The following CDH12 variants were observed in gnomAD, a reference collection of about 807,000 sequenced individuals.
The protein encoded by CDH12 is cadherin-12.
Under a neutral mutation model 74.1 loss-of-function variants are expected in CDH12, and 41 were observed. The observed-to-expected ratio is 0.55, with a 90% CI of 0.43 to 0.72. The LOEUF is 0.72. Ranked by LOEUF, CDH12 falls within the 30% of genes least tolerant of loss-of-function variation. The pLI is 0.00. For synonymous variants in CDH12, 399 were observed against 355.0 expected (o/e 1.12, Z -1.39); for missense variants, 945 against 977.2 (o/e 0.97, Z 0.44).
At chr5:22,009,953 AAAAAAAG>A (rs1737202853) in intron 5 of CDH12, among the ~76,000 whole-genome samples, 2 of 151,036 alleles carry the variant, frequency 1.3e-5, no homozygotes, top group East Asian at 3.9e-4. Context: ...AAAAAAAAAA[AAAAAAAG>A]AAAAAAAGAA....
intron 1 of CDH12, among the ~76,000 whole-genome samples, chr5:22,803,580 T>C (rs2126425260): frequency 6.6e-6 from 1 of 152,316 alleles, no homozygotes; most frequent in South Asian, 2.1e-4. Context: ...TGCTTCTTCC[T>C]GACATCTGGT....
intron 8 of CDH12, among the ~76,000 whole-genome samples, chr5:21,832,939 TATA>T (rs1356245165): frequency 7.3e-5 from 5 of 68,370 alleles, no homozygotes; most frequent in East Asian, 4.5e-4. Flanking sequence ...ATATATTATA[TATA>T]ATATCATATT....
chr5:22,107,166 CTT>C (rs1744497162), intron 4 of CDH12, among the ~76,000 whole-genome samples: 1 of 147,904 alleles, frequency 6.8e-6, no homozygotes, highest in Admixed American at 6.8e-5. Context: ...GATTTTTGCT[CTT>C]GTTGCCCAGG....
chr5:22,018,498 T>C (rs938638008), intron 5 of CDH12, among the ~76,000 whole-genome samples: 1 of 152,166 alleles, frequency 6.6e-6, no homozygotes, highest in African/African-American at 2.4e-5. Flanking sequence ...ACGTTGGAAC[T>C]TTGTATTTTT....
intron 6 of CDH12, among the ~76,000 whole-genome samples, chr5:21,939,652 T>A (rs1755242904): frequency 6.6e-6 from 1 of 152,148 alleles, no homozygotes; most frequent in South Asian, 2.1e-4. Flanking sequence ...GGGAGTTATA[T>A]GAAACTGTGC....
intron 1 of CDH12, among the ~76,000 whole-genome samples, chr5:22,811,943 A>G (rs1749167030): frequency 6.6e-6 from 1 of 152,140 alleles, no homozygotes; most frequent in Non-Finnish European, 1.5e-5. Flanking sequence ...GTGTTCATAG[A>G]GGTCGACCTT....
intron 5 of CDH12, among the ~76,000 whole-genome samples, chr5:22,047,885 A>C (rs1007532751): frequency 6.6e-6 from 1 of 152,150 alleles, no homozygotes; most frequent in Non-Finnish European, 1.5e-5. Context: ...TCACACAGAG[A>C]CTTCTTAGCT....
chr5:21,833,251 A>ATTATATAACATATATATTATATG lies in CDH12; in HGVS notation c.814+8909_814+8910insCATATAATATATATGTTATATAA, dbSNP rs1749265579. ...ATATAACATATAATATATATTATAT[A>ATTATATAACATATATATTATATG]TTATATAACATATAATATATATTAT... On this transcript the variant is annotated intron_variant, in intron 8 of 14. Coordinates refer to ENST00000382254, the MANE Select transcript of CDH12 (RefSeq NM_004061.5). Among the ~76,000 whole-genome samples the ATTATATAACATATATATTATATG allele has an allele frequency of 3.3e-3, 43 of 13,224 alleles. 8 individuals are homozygous for ATTATATAACATATATATTATATG. The highest frequency in any genetic ancestry group is 5.4e-3 in the African/African-American group (5 of 926). 8.7% of individuals were successfully genotyped at this position (13,224 alleles called of 152,430 possible).
At chr5:21,767,312 T>C (rs1745083010) in intron 11 of CDH12, among the ~76,000 whole-genome samples, 1 of 151,756 alleles carries the variant, frequency 6.6e-6, no homozygotes, top group African/African-American at 2.4e-5. Flanking sequence ...AGATTTATTT[T>C]ATAATATAAG....
intron 6 of CDH12, among the ~76,000 whole-genome samples, chr5:21,938,873 C>T (rs4028783): frequency 0.047 from 7,040 of 150,454 alleles, 428 homozygotes; most frequent in African/African-American, 0.14. Flanking sequence ...AAACGTAGGG[C>T]TATTCTGAAA....
At chr5:22,311,584 C>G (rs1738390728) in intron 3 of CDH12, among the ~76,000 whole-genome samples, 1 of 151,712 alleles carries the variant, frequency 6.6e-6, no homozygotes, top group Admixed American at 6.6e-5. Context: ...TGCTTGTAAT[C>G]CCAGCTACTC....
chr5:22,453,675 T>A (rs994777437), intron 2 of CDH12, among the ~76,000 whole-genome samples: 3 of 152,050 alleles, frequency 2.0e-5, no homozygotes, highest in African/African-American at 7.2e-5. Flanking sequence ...CATAGTAGGG[T>A]GGCTATAGTG....
In CDH12 at chr5:22,645,548, G is replaced by A. The variant is rs567407439; in HGVS notation, c.-522-140184C>T. ...TGAACATTGGTGAAATCACAATACA[G>A]GAGTTAGAATAGTTCATAAACTTAG... On this transcript the variant is annotated intron_variant, in intron 1 of 14. Transcript: ENST00000382254. Among the ~76,000 whole-genome samples the A allele has an allele frequency of 1.2e-4, 18 of 152,130 alleles. No homozygotes were observed. The South Asian group carries it at 1.2e-3, about 10-fold the overall frequency.
At chr5:22,711,088 C>T (rs1580913874) in intron 1 of CDH12, among the ~76,000 whole-genome samples, 2 of 151,780 alleles carry the variant, frequency 1.3e-5, no homozygotes, top group East Asian at 1.9e-4. Context: ...TATCCTAGTA[C>T]TTAATCAAAA....
chr5:22,330,404 G>A (rs1739297524), intron 3 of CDH12, among the ~76,000 whole-genome samples: 1 of 151,970 alleles, frequency 6.6e-6, no homozygotes, highest in East Asian at 1.9e-4. Context: ...TGGCTTCAGA[G>A]GTGACCCAGA....
At chr5:22,772,337 GA>G (rs1386694219) in intron 1 of CDH12, among the ~76,000 whole-genome samples, 2 of 152,168 alleles carry the variant, frequency 1.3e-5, no homozygotes, top group Admixed American at 1.3e-4. Context: ...GGTGTCCTAT[GA>G]AGAAAGAATG....
At chr5:22,753,495 G>A (rs1017640365) in intron 1 of CDH12, among the ~76,000 whole-genome samples, 1 of 148,206 alleles carries the variant, frequency 6.7e-6, no homozygotes, top group African/African-American at 2.5e-5. Flanking sequence ...AGGAGTTTGG[G>A]TTTTATTCTC....
chr5:22,465,671 AAGAAC>A (rs200502687), intron 2 of CDH12, among the ~76,000 whole-genome samples: 2,856 of 152,150 alleles, frequency 0.019, 49 homozygotes, highest in African/African-American at 0.041. Flanking sequence ...AAAAACATGT[AAGAAC>A]AGAACAGAAC....
At chr5:22,826,611 G>A (rs970106383) in intron 1 of CDH12, among the ~76,000 whole-genome samples, 1 of 152,114 alleles carries the variant, frequency 6.6e-6, no homozygotes, top group Non-Finnish European at 1.5e-5. Context: ...ATAGTGATGT[G>A]AATAATAAGG....
Sources: allele counts gnomAD v4.1 joint callset (sites outside exome capture counted in the v4.1 genomes callset), GRCh38; gene constraint gnomAD v4.1.1; transcripts MANE v1.5; gene names NCBI Gene and HGNC (gene_info 2026-07-23, HGNC 2026-07-21).